The following CDC42BPA variants were observed in gnomAD, a reference collection of about 807,000 sequenced individuals.
The protein encoded by CDC42BPA is CDC42 binding protein kinase alpha.
Under a neutral mutation model 223.5 loss-of-function variants are expected in CDC42BPA, and 80 were observed. That is an observed-to-expected ratio of 0.36 (90% CI 0.30 to 0.43). The LOEUF (loss-of-function observed/expected upper bound fraction) is 0.43. Ranked by LOEUF, CDC42BPA falls within the 20% of genes least tolerant of loss-of-function variation. The pLI is 1.00. For synonymous variants in CDC42BPA, 694 were observed against 718.6 expected, an observed-to-expected ratio of 0.97 and a Z score of 0.55; for missense variants, 1,743 against 2,099.9, an observed-to-expected ratio of 0.83 and a Z score of 3.32.
intron 14 of CDC42BPA, among the ~76,000 whole-genome samples, chr1:227,106,600 TA>T (rs1172840570): frequency 6.6e-6 from 1 of 152,188 alleles, no homozygotes; most frequent in East Asian, 1.9e-4. Context: ...TCTTCTATTT[TA>T]AAAAGAGTTT....
intron 2 of CDC42BPA, among the ~76,000 whole-genome samples, chr1:227,243,899 G>A (rs1455730367): frequency 1.3e-5 from 2 of 151,650 alleles, no homozygotes; most frequent in African/African-American, 4.8e-5. Context: ...GTACTTCATG[G>A]AAAGGATATC....
chr1:227,105,633 C>A (rs1685787079), intron 14 of CDC42BPA, among the ~76,000 whole-genome samples: 1 of 152,058 alleles, frequency 6.6e-6, no homozygotes, highest in African/African-American at 2.4e-5. Context: ...GGATTACAGT[C>A]ATGAGCCACT....
At chr1:227,312,626 G>A (rs999549927) in intron 1 of CDC42BPA, among the ~76,000 whole-genome samples, 8 of 152,152 alleles carry the variant, frequency 5.3e-5, no homozygotes, top group Non-Finnish European at 7.4e-5. Flanking sequence ...GCTGAGGTGG[G>A]AGGATCTCTT....
chr1:227,280,971 T>C (rs1443827417), intron 1 of CDC42BPA, among the ~76,000 whole-genome samples: 2 of 152,202 alleles, frequency 1.3e-5, no homozygotes, highest in East Asian at 1.9e-4. Flanking sequence ...CGGCTGCTAC[T>C]GGTAGCCAAG....
intron 1 of CDC42BPA, among the ~76,000 whole-genome samples, chr1:227,301,929 CTTA>C (rs1355859260): frequency 2.6e-5 from 4 of 151,816 alleles, no homozygotes; most frequent in Admixed American, 6.6e-5. Context: ...TTCTATTTTT[CTTA>C]TTGTTTTCTC....
At chr1:227,276,624 T>C (rs1687109325) in intron 1 of CDC42BPA, among the ~76,000 whole-genome samples, 1 of 152,126 alleles carries the variant, frequency 6.6e-6, no homozygotes, top group Non-Finnish European at 1.5e-5. Flanking sequence ...GGCGGTTTTG[T>C]CTAATAGAAA....
chr1:227,123,040 T>C (rs945924602), intron 11 of CDC42BPA, among the ~76,000 whole-genome samples: 2 of 152,228 alleles, frequency 1.3e-5, no homozygotes, highest in African/African-American at 4.8e-5. Context: ...CCATGGTTCA[T>C]GCCTGTAATC....
chr1:227,273,505 A>G (rs964626896), intron 1 of CDC42BPA, among the ~76,000 whole-genome samples: 2 of 151,836 alleles, frequency 1.3e-5, no homozygotes, highest in African/African-American at 4.8e-5. Flanking sequence ...ACTGCACTCC[A>G]GCCTGGGCGA....
chr1:227,159,594 CAATT>C (rs1663474205), intron 6 of CDC42BPA, among the ~76,000 whole-genome samples: 1 of 150,232 alleles, frequency 6.7e-6, no homozygotes, highest in Admixed American at 6.6e-5. Flanking sequence ...AAGTTTCTGT[CAATT>C]AAACTGATAT....
chr1:227,106,560 T>C (rs1685969411), intron 14 of CDC42BPA, among the ~76,000 whole-genome samples: 1 of 152,196 alleles, frequency 6.6e-6, no homozygotes, highest in African/African-American at 2.4e-5. Flanking sequence ...AATGCCAGCT[T>C]CACAGAATCA....
intron 31 of CDC42BPA, among the ~76,000 whole-genome samples, chr1:227,025,629 CTT>C (rs1668122193): frequency 2.0e-5 from 3 of 152,094 alleles, no homozygotes; most frequent in Non-Finnish European, 4.4e-5. Context: ...ATTATGGACA[CTT>C]AAACAGTTTT....
At chr1:227,092,692 T>C (rs1037663891) in intron 15 of CDC42BPA, among the ~76,000 whole-genome samples, 2 of 152,208 alleles carry the variant, frequency 1.3e-5, no homozygotes, top group Non-Finnish European at 2.9e-5. Flanking sequence ...GTTCAGAAAT[T>C]TTAAAAAATT....
At chr1:227,112,528 G>T in intron 13 of CDC42BPA, 106 bp from the exon 14 acceptor site, 1 of 988,272 alleles carries the variant, frequency 1.0e-6, no homozygotes, top group Non-Finnish European at 1.4e-6. Context: ...TAATTCAAAT[G>T]TTTAAATCCA....
intron 21 of CDC42BPA, among the ~76,000 whole-genome samples, chr1:227,068,105 C>G (rs1334210965): frequency 6.6e-6 from 1 of 151,760 alleles, no homozygotes; most frequent in Non-Finnish European, 1.5e-5. Flanking sequence ...ACTAAAATCA[C>G]TTTGCACATT....
chr1:227,314,333 T>C (rs531198363), intron 1 of CDC42BPA, among the ~76,000 whole-genome samples: 11 of 152,206 alleles, frequency 7.2e-5, no homozygotes, highest in African/African-American at 2.6e-4. Context: ...ATGTGATCTA[T>C]AGTCTTAAGG....
At chr1:227,105,648 C>T (rs539940358) in intron 14 of CDC42BPA, among the ~76,000 whole-genome samples, 55 of 152,068 alleles carry the variant, frequency 3.6e-4, no homozygotes, top group Non-Finnish European at 6.0e-4. Context: ...GCCACTGCAT[C>T]GGGCCTGAAT....
At chr1:227,229,643 A>T (rs1449993489) in intron 2 of CDC42BPA, among the ~76,000 whole-genome samples, 1 of 152,134 alleles carries the variant, frequency 6.6e-6, no homozygotes, top group Admixed American at 6.5e-5. Flanking sequence ...TGAATATGCA[A>T]TGTCTTTTCG....
intron 5 of CDC42BPA, among the ~76,000 whole-genome samples, chr1:227,182,303 A>C (rs1454886200): frequency 6.6e-6 from 1 of 152,194 alleles, no homozygotes; most frequent in Non-Finnish European, 1.5e-5. Flanking sequence ...TATAGCTGGT[A>C]AGAAAAATCA....
chr1:227,164,503 A>T (rs1168825294), intron 5 of CDC42BPA, among the ~76,000 whole-genome samples: 1 of 151,360 alleles, frequency 6.6e-6, no homozygotes, highest in Non-Finnish European at 1.5e-5. Context: ...CTGTCTCTAT[A>T]AAAAAAAATA....
Sources: allele counts gnomAD v4.1 joint callset (sites outside exome capture counted in the v4.1 genomes callset), GRCh38; gene constraint gnomAD v4.1.1; transcripts MANE v1.5; gene names NCBI Gene and HGNC (gene_info 2026-07-23, HGNC 2026-07-21).